LIFR: variants seen among roughly 807,000 people sequenced by gnomAD.
LIFR encodes leukemia inhibitory factor receptor.
LIFR carries 84 observed loss-of-function variants against 122.2 expected under a neutral mutation model. The observed-to-expected ratio is 0.69, with a 90% CI of 0.58 to 0.82. The LOEUF (loss-of-function observed/expected upper bound fraction) is 0.82, where lower values mean the gene tolerates loss of function less well. LIFR is among the 40% of genes least tolerant of loss of function. The pLI is 0.00. For synonymous variants in LIFR, 422 were observed against 434.7 expected (o/e 0.97, Z 0.36); for missense variants, 1,294 against 1,311.6 (o/e 0.99, Z 0.21).
At chr5:38,516,283 T>A (rs1423205445) in intron 5 of LIFR, among the ~76,000 whole-genome samples, 1 of 151,962 alleles carries the variant, frequency 6.6e-6, no homozygotes, top group Non-Finnish European at 1.5e-5. Context: ...CAAGTTACAT[T>A]AAAAATTAAA....
At chr5:38,522,874 C>A (rs1746477083) in intron 5 of LIFR, among the ~76,000 whole-genome samples, 1 of 152,054 alleles carries the variant, frequency 6.6e-6, no homozygotes, top group African/African-American at 2.4e-5. Context: ...GAGTAAAAGG[C>A]TGAAAGGGAG....
At chr5:38,586,829 T>C (rs919479494) in intron 1 of LIFR, among the ~76,000 whole-genome samples, 3 of 152,146 alleles carry the variant, frequency 2.0e-5, no homozygotes, top group Non-Finnish European at 4.4e-5. Context: ...GCTTTAAAAC[T>C]CTCAAATAGT....
intron 5 of LIFR, among the ~76,000 whole-genome samples, chr5:38,515,011 C>T (rs1310895327): frequency 2.6e-5 from 4 of 152,072 alleles, no homozygotes; most frequent in East Asian, 1.9e-4. Flanking sequence ...AATAAGAGAA[C>T]GACTGGAGAT....
At chr5:38,581,483 C>A (rs1253588413) in intron 1 of LIFR, among the ~76,000 whole-genome samples, 1 of 152,208 alleles carries the variant, frequency 6.6e-6, no homozygotes, top group African/African-American at 2.4e-5. Context: ...TGTTAATCAG[C>A]TTTCCTAAGG....
intron 13 of LIFR, 83 bp downstream of exon 13, chr5:38,496,299 G>T: frequency 1.8e-6 from 2 of 1,108,922 alleles, no homozygotes; most frequent in South Asian, 2.5e-5. Context: ...GAAGAAGGCT[G>T]ACATGACAAA....
chr5:38,489,473 C>T (rs1427382669), intron 15 of LIFR, among the ~76,000 whole-genome samples: 4 of 152,162 alleles, frequency 2.6e-5, no homozygotes, highest in Non-Finnish European at 5.9e-5. Flanking sequence ...CTTACAATAT[C>T]CCTTTTAGAC....
intron 1 of LIFR, among the ~76,000 whole-genome samples, chr5:38,583,711 A>T (rs191614941): frequency 6.6e-6 from 1 of 152,336 alleles, no homozygotes; most frequent in Admixed American, 6.5e-5. Context: ...GGTACTCAAC[A>T]TCACTAAACA....
chr5:38,570,965 C>A (rs1219511257), intron 1 of LIFR, among the ~76,000 whole-genome samples: 1 of 152,108 alleles, frequency 6.6e-6, no homozygotes, highest in African/African-American at 2.4e-5. Flanking sequence ...TACTCAAAAG[C>A]CATTTGTGAG....
chr5:38,523,956 G>A (rs1244906851), intron 4 of LIFR, among the ~76,000 whole-genome samples: 1 of 152,142 alleles, frequency 6.6e-6, no homozygotes, highest in Non-Finnish European at 1.5e-5. Context: ...TTATTAGCTG[G>A]CTGTTTCAAA....
intron 15 of LIFR, 81 bp from the exon 16 acceptor site, chr5:38,489,326 C>T (rs1744450540): frequency 9.2e-7 from 1 of 1,092,160 alleles, no homozygotes; most frequent in Non-Finnish European, 1.4e-6. Flanking sequence ...GCTTTCTAGC[C>T]TCAAAAATAA....
intron 1 of LIFR, among the ~76,000 whole-genome samples, chr5:38,533,425 T>A: frequency 6.6e-6 from 1 of 152,300 alleles, no homozygotes; most frequent in Middle Eastern, 3.4e-3. Context: ...GGGCCCCACA[T>A]GGCAAAGTTC....
intron 2 of LIFR, among the ~76,000 whole-genome samples, chr5:38,603,612 A>G (rs1054429408): frequency 4.6e-5 from 7 of 152,120 alleles, no homozygotes; most frequent in Non-Finnish European, 8.8e-5. Flanking sequence ...TGATGTGGGA[A>G]AACAGAGAAG....
intron 2 of LIFR, among the ~76,000 whole-genome samples, chr5:38,602,232 G>A (rs1045939490): frequency 8.5e-5 from 13 of 152,146 alleles, no homozygotes; most frequent in Non-Finnish European, 1.8e-4. Context: ...ACTTCTCATT[G>A]TCTCCTACCA....
At chr5:38,496,332 T>A in intron 13 of LIFR, 50 bp downstream of exon 13, 1 of 1,373,672 alleles carries the variant, frequency 7.3e-7, no homozygotes, top group South Asian at 1.2e-5. Flanking sequence ...ATCAGACATT[T>A]CTCACTTTAG....
Position 38,556,534 on chromosome 5 carries a change from G to A in LIFR, c.-220C>T, listed in dbSNP as rs1748561225. On this transcript the variant is annotated 5_prime_UTR_variant, in exon 1 of 20. Transcript: ENST00000453190. The stretch of plus-strand genomic sequence containing the variant: ...GCGAGGCTGCTTGAGGCGGCCACGG[G>A]CGAAGGGCGGCCCGCTGCGCTCCGC... 1 of 150,400 alleles carries A rather than the reference G, an allele frequency of 6.6e-6. No homozygotes were observed. Among genetic ancestry groups the A allele is most frequent in the Admixed American group, 6.6e-5 (1 of 15,138 alleles). 9.3% of individuals were successfully genotyped at this position (150,400 alleles called of 1,614,324 possible).
chr5:38,488,667 G>T (rs796624242), intron 16 of LIFR, among the ~76,000 whole-genome samples: 1 of 152,310 alleles, frequency 6.6e-6, no homozygotes, highest in South Asian at 2.1e-4. Context: ...TAGGCCAATG[G>T]TTTTTTGTCA....
chr5:38,506,442 A>AT (rs948547478), intron 8 of LIFR, 61 bp downstream of exon 8: 2 of 1,587,764 alleles, frequency 1.3e-6, no homozygotes, highest in Non-Finnish European at 1.7e-6. Context: ...TCCCTATGTC[A>AT]TTTAACATGC....
rs1325712877 is a variant in LIFR at position 38,481,866 on chromosome 5, G to C, written c.3023C>G (p.Pro1008Arg). 2 of 1,614,112 alleles carry C rather than the reference G, an allele frequency of 1.2e-6. No homozygotes were observed. The highest frequency in any genetic ancestry group is 4.5e-5 in the East Asian group (2 of 44,886). The change falls in exon 20 of 20, where the codon CCC becomes CGC. Residue 1008 changes from proline (P) to arginine (R), a missense_variant. By Grantham distance (103) the Pro-to-Arg change is moderately radical. Coordinates refer to ENST00000453190, the MANE Select transcript of LIFR (RefSeq NM_001127671.2). The stretch of plus-strand genomic sequence containing the variant: ...TATATCTTCCACAGTAGAATTAATG[G>C]GGAGGTGCATCTGTGGCTTATAGCC... ...GAGYKPQMHL[P>R]INSTVEDIAA...
At chr5:38,490,530 T>C (rs952643611) in intron 14 of LIFR, 19 of 255,474 alleles carry the variant, frequency 7.4e-5, no homozygotes, top group African/African-American at 3.8e-4. Context: ...TGGGATTGCA[T>C]TGAAGAGAAC....
Sources: allele counts gnomAD v4.1 joint callset (sites outside exome capture counted in the v4.1 genomes callset), GRCh38; gene constraint gnomAD v4.1.1; transcripts MANE v1.5; gene names NCBI Gene and HGNC (gene_info 2026-07-23, HGNC 2026-07-21).